Variants in GNB4 observed in about 807,000 individuals in gnomAD.
GNB4 encodes G protein subunit beta 4.
GNB4 carries 28 observed loss-of-function variants against 45.2 expected under a neutral mutation model. The observed-to-expected ratio is 0.62, with a 90% CI of 0.46 to 0.85. The LOEUF (loss-of-function observed/expected upper bound fraction) is 0.85, where lower values mean the gene tolerates loss of function less well. Among genes scored for constraint, GNB4 ranks in the 40% least tolerant of loss-of-function variants. The pLI is 0.00. For missense variants in GNB4, 321 were observed against 425.4 expected (o/e 0.75, Z 2.16); for synonymous variants, 132 against 143.7 (o/e 0.92, Z 0.58).
chr3:179,405,472 A>G, intron 8 of GNB4, 66 bp from the exon 9 acceptor site: 3 of 1,117,494 alleles, frequency 2.7e-6, no homozygotes, highest in South Asian at 3.1e-5. Flanking sequence ...GCAATGTAAT[A>G]ATAGACAAAT....
chr3:179,459,767 T>G, the GNB4 span, among the ~76,000 whole-genome samples: 1 of 152,038 alleles, frequency 6.6e-6, no homozygotes, highest in African/African-American at 2.4e-5. Flanking sequence ...TTAGGTTTCA[T>G]TACGAATATT....
intron 9 of GNB4, among the ~76,000 whole-genome samples, chr3:179,402,877 T>G (rs1332361934): frequency 6.6e-6 from 1 of 152,120 alleles, no homozygotes; most frequent in Non-Finnish European, 1.5e-5. Context: ...AGGTGACAGA[T>G]CATCCTGCGC....
At chr3:179,482,011 T>G in the GNB4 span, among the ~76,000 whole-genome samples, 8 of 152,270 alleles carry the variant, frequency 5.3e-5, no homozygotes, top group South Asian at 1.2e-3. Context: ...CAAACAATCC[T>G]CCCGGCTCAG....
At chr3:179,492,052 A>G in the GNB4 span, among the ~76,000 whole-genome samples, 1 of 152,252 alleles carries the variant, frequency 6.6e-6, no homozygotes, top group Non-Finnish European at 1.5e-5. Flanking sequence ...CATGTGAAGC[A>G]CAAAGTAGAA....
the GNB4 span, among the ~76,000 whole-genome samples, chr3:179,482,274 C>A: frequency 9.9e-5 from 15 of 152,128 alleles, no homozygotes; most frequent in Non-Finnish European, 8.8e-5. Flanking sequence ...ATTTAAATGA[C>A]CTTTTTGCAA....
intron 8 of GNB4, among the ~76,000 whole-genome samples, chr3:179,410,851 C>CA (rs1332351079): frequency 2.0e-5 from 3 of 151,714 alleles, no homozygotes; most frequent in African/African-American, 7.3e-5. Flanking sequence ...CTATAGATAT[C>CA]AAAAAAATTG....
In GNB4 at chr3:179,416,256, T is replaced by G. The variant is rs1714795580; in HGVS notation, c.267+237A>C. Among the ~76,000 whole-genome samples, 3 of 152,194 alleles carry G rather than the reference T, an allele frequency of 2.0e-5. No homozygotes were observed. In the South Asian group the frequency reaches 6.2e-4, roughly 32 times the overall value. ...ATTAGTATATGTAAAATGGTACTCT[T>G]CTAATATTCATATATTAAATATGAG... is the stretch of plus-strand genomic sequence containing the variant. On this transcript the variant is annotated intron_variant, in intron 5 of 9. Transcript: ENST00000232564.
chr3:179,436,202 C>A (rs748168397), intron 1 of GNB4, among the ~76,000 whole-genome samples: 18 of 152,136 alleles, frequency 1.2e-4, no homozygotes, highest in Non-Finnish European at 2.2e-4. Context: ...AGTTCGAGAC[C>A]AGCCTGACCA....
At chr3:179,442,086 C>T (rs1374025224) in intron 1 of GNB4, among the ~76,000 whole-genome samples, 5 of 152,278 alleles carry the variant, frequency 3.3e-5, no homozygotes, top group South Asian at 2.1e-4. Flanking sequence ...GGATTACAGG[C>T]GTGAGCCACC....
chr3:179,459,571 A>G, the GNB4 span, among the ~76,000 whole-genome samples: 1 of 152,168 alleles, frequency 6.6e-6, no homozygotes, highest in Non-Finnish European at 1.5e-5. Context: ...AATCCCAGCT[A>G]CTCGGGAGGC....
At chr3:179,410,584 C>T (rs1400422336) in intron 8 of GNB4, 1 of 152,206 alleles carries the variant, frequency 6.6e-6, no homozygotes, top group Admixed American at 6.5e-5. Context: ...GCTTGCCTGT[C>T]TCCAAACTTC....
intron 1 of GNB4, among the ~76,000 whole-genome samples, chr3:179,447,727 C>T (rs891434912): frequency 2.0e-5 from 3 of 151,968 alleles, no homozygotes; most frequent in Non-Finnish European, 4.4e-5. Context: ...TAGGAATGGT[C>T]AAATTAACTT....
intron 2 of GNB4, among the ~76,000 whole-genome samples, chr3:179,424,395 T>C (rs1715085124): frequency 6.6e-6 from 1 of 152,196 alleles, no homozygotes. Flanking sequence ...CCAGGCAAAA[T>C]ACATCTCTCC....
At position 179,397,362 on chromosome 3, in the gene GNB4, A is replaced by C. The variant is rs1207379617; in HGVS notation, c.*3851T>G. The C allele has an allele frequency of 6.6e-6, 1 of 152,264 alleles. No individual in the cohort carries two copies. Among genetic ancestry groups the C allele is most frequent in the Non-Finnish European group, 1.5e-5 (1 of 68,048 alleles). The allele number at this position is 152,264 out of a possible 1,614,324, so 9.4% of individuals were successfully genotyped here. Reference sequence around the variant, plus strand: ...CAATATTGGCACAGCATTTTTAAGCAATAATAAAAGTTTCATTTTGTCACC... The same window carrying C: ...CAATATTGGCACAGCATTTTTAAGCCATAATAAAAGTTTCATTTTGTCACC... On this transcript the variant is annotated 3_prime_UTR_variant, in exon 10 of 10. Coordinates refer to ENST00000232564, the MANE Select transcript of GNB4 (RefSeq NM_021629.4).
At chr3:179,515,500 G>A in the GNB4 span, among the ~76,000 whole-genome samples, 1 of 152,136 alleles carries the variant, frequency 6.6e-6, no homozygotes, top group South Asian at 2.1e-4. Context: ...GGGCAGGGGC[G>A]GGGGTCACAA....
At chr3:179,476,621 G>A in the GNB4 span, among the ~76,000 whole-genome samples, 1 of 152,210 alleles carries the variant, frequency 6.6e-6, no homozygotes. Flanking sequence ...CTACCCTTGT[G>A]ACAAGCCTCT....
In GNB4 at chr3:179,422,195, G is replaced by GT. The variant is rs200746169; in HGVS notation, c.58-1269dup. Among the ~76,000 whole-genome samples, 568 of 152,130 alleles carry GT rather than the reference G, an allele frequency of 3.7e-3. 7 individuals are homozygous for GT. Among genetic ancestry groups the GT allele is most frequent in the East Asian group, 0.034 (178 of 5,180 alleles). On this transcript the variant is annotated intron_variant, in intron 2 of 9. Coordinates refer to ENST00000232564, the MANE Select transcript of GNB4 (RefSeq NM_021629.4). ...AATTATTGAACTACGCTGAAAATTG[G>GT]TAACAAAAATTAAAATATTATGTTG...
At chr3:179,503,637 A>G in the GNB4 span, among the ~76,000 whole-genome samples, 252 of 152,254 alleles carry the variant, frequency 1.7e-3, no homozygotes, top group African/African-American at 5.4e-3. Context: ...ATTTGTTTCT[A>G]TTCCAAGACC....
At chr3:179,454,829 T>A (rs1285004881), upstream of GNB4, among the ~76,000 whole-genome samples, 1 of 152,192 alleles carries the variant, frequency 6.6e-6, no homozygotes, top group Non-Finnish European at 1.5e-5. Flanking sequence ...AGATTTTATT[T>A]CACCCACAAC....
Sources: gnomAD v4.1 joint callset for allele counts (sites outside exome capture counted in the v4.1 genomes callset) on GRCh38, gnomAD v4.1.1 for gene constraint, MANE v1.5 for transcripts, NCBI Gene and HGNC (gene_info 2026-07-23, HGNC 2026-07-21) for gene names.